Variants in PRRC1 observed in about 807,000 individuals in gnomAD.
PRRC1 encodes the protein protein PRRC1.
A neutral mutation model predicts 40.7 loss-of-function variants in PRRC1; 39 were observed. The ratio of observed to expected loss-of-function variants is 0.96; its 90% CI spans 0.74 to 1.25. The LOEUF (loss-of-function observed/expected upper bound fraction) is 1.25. Among genes scored for constraint, PRRC1 ranks in the 50% most tolerant of loss-of-function variants. The pLI, the probability that PRRC1 is intolerant of heterozygous loss-of-function variation, is 0.00. For synonymous variants in PRRC1, 175 were observed against 193.3 expected (o/e 0.91, Z 0.79); for missense variants, 573 against 548.3 (o/e 1.05, Z -0.45).
chr5:127,523,746 T>C lies in PRRC1; in HGVS notation c.103+164T>C, dbSNP rs1051641310. 17 of 440,288 alleles carry C rather than the reference T, an allele frequency of 3.9e-5. No homozygotes were observed. In the South Asian group the frequency reaches 1.2e-3, roughly 31 times the overall value. The allele number at this position is 440,288 out of a possible 1,614,324, so 27.3% of individuals were successfully genotyped here. On this transcript the variant is annotated intron_variant, in intron 2 of 8. Coordinates refer to ENST00000296666, the MANE Select transcript of PRRC1 (RefSeq NM_130809.5). The stretch of plus-strand genomic sequence containing the variant: ...TAATTTAAAGAATAGAAAGAAAGTC[T>C]TGTGTATTTAAAGTAAGAAAACATC...
chr5:127,553,585 A>G lies in PRRC1; in HGVS notation c.*1669A>G. The stretch of plus-strand genomic sequence containing the variant: ...AGTAGTATTTTATCATGGCAATGGC[A>G]TGATGACAACAACAGTCTTTCATTA... On this transcript the variant is annotated 3_prime_UTR_variant, in exon 9 of 9. Transcript: ENST00000296666. The G allele has an allele frequency of 7.7e-7, 1 of 1,306,024 alleles. No homozygotes were observed. Among genetic ancestry groups the G allele is most frequent in the Non-Finnish European group, 9.8e-7 (1 of 1,024,810 alleles). The allele number at this position is 1,306,024 out of a possible 1,614,324, so 80.9% of individuals were successfully genotyped here.
intron 5 of PRRC1, among the ~76,000 whole-genome samples, 190 bp from the exon 6 acceptor site, chr5:127,533,433 G>A (rs1032722253): frequency 3.3e-5 from 5 of 152,030 alleles, no homozygotes; most frequent in Non-Finnish European, 7.4e-5. Context: ...AAGTAGATAC[G>A]TTACCTTGGG....
At chr5:127,539,264 G>A (rs1767975874) in intron 7 of PRRC1, 121 bp downstream of exon 7, 1 of 668,326 alleles carries the variant, frequency 1.5e-6, no homozygotes, top group East Asian at 2.8e-5. Context: ...TTTGATGCTG[G>A]CTATATCACT....
At chr5:127,527,885 T>C (rs1247486804) in intron 4 of PRRC1, among the ~76,000 whole-genome samples, 1 of 152,128 alleles carries the variant, frequency 6.6e-6, no homozygotes, top group Non-Finnish European at 1.5e-5. Flanking sequence ...AAGAAATTGA[T>C]ACCTATTCCA....
At chr5:127,538,930 A>G (rs1242995887) in intron 6 of PRRC1, 110 bp from the exon 7 acceptor site, 1 of 691,908 alleles carries the variant, frequency 1.4e-6, no homozygotes, top group East Asian at 2.8e-5. Context: ...TACAGTGAGT[A>G]TATATATGTG....
In PRRC1 at chr5:127,553,455, G is replaced by A. The variant is rs1768443375; in HGVS notation, c.*1539G>A. 5 of 1,112,240 alleles carry A rather than the reference G, an allele frequency of 4.5e-6. No individual in the cohort carries two copies. Among genetic ancestry groups the A allele is most frequent in the East Asian group, 8.3e-5 (1 of 12,074 alleles). 68.9% of individuals were successfully genotyped at this position (1,112,240 alleles called of 1,614,324 possible). Reference sequence around the variant, plus strand: ...TTATAGGTTGCCTTGGTGTACTTTTGTCCAGGAGTAACAGGGACAGAATAC... The same window carrying A: ...TTATAGGTTGCCTTGGTGTACTTTTATCCAGGAGTAACAGGGACAGAATAC... On this transcript the variant is annotated 3_prime_UTR_variant, in exon 9 of 9. Transcript: ENST00000296666.
At position 127,551,804 on chromosome 5, in the gene PRRC1, G is replaced by A. The variant is rs754279580; in HGVS notation, c.1226G>A (p.Arg409Gln). Residue 409 changes from arginine to glutamine, a missense_variant, in exon 9 of 9, where the codon CGG becomes CAG. Physicochemically the swap from Arg to Gln is conservative, Grantham distance 43. Coordinates refer to ENST00000296666, the MANE Select transcript of PRRC1 (RefSeq NM_130809.5). ...GAAAAGAGTTTACTGAATGTCAGCC[G>A]GACTGATTGGCACATGGCATTTACT... ...VLEKSLLNVS[R>Q]TDWHMAFTGM... 2.3e-5 allele frequency: 37 copies of A among 1,613,928 alleles called. No individual in the cohort carries two copies. The highest frequency in any genetic ancestry group is 2.7e-5 in the Non-Finnish European group (32 of 1,180,006).
At chr5:127,546,958 T>A (rs1232085383) in intron 7 of PRRC1, among the ~76,000 whole-genome samples, 1 of 152,186 alleles carries the variant, frequency 6.6e-6, no homozygotes, top group Non-Finnish European at 1.5e-5. Context: ...CATTTTAGTA[T>A]TCAGCAAAGT....
chr5:127,537,291 TCTAAA>T (rs1269051345), intron 6 of PRRC1, among the ~76,000 whole-genome samples: 3 of 151,886 alleles, frequency 2.0e-5, no homozygotes, highest in Non-Finnish European at 4.4e-5. Context: ...TAATATGGTC[TCTAAA>T]CTACCTAATT....
intron 2 of PRRC1, 97 bp downstream of exon 2, chr5:127,523,679 A>C: frequency 2.3e-5 from 13 of 572,372 alleles, no homozygotes; most frequent in African/African-American, 1.9e-5. Flanking sequence ...CATATATTAA[A>C]ACTTCTCTAT....
At chr5:127,551,422 C>G (rs1768377487) in intron 8 of PRRC1, 1 of 340,322 alleles carries the variant, frequency 2.9e-6, no homozygotes, top group African/African-American at 2.1e-5. Flanking sequence ...TAGTACCAAT[C>G]TTATTATTAA....
intron 1 of PRRC1, chr5:127,517,988 G>C (rs1372742365): frequency 6.5e-6 from 1 of 152,808 alleles, no homozygotes; most frequent in African/African-American, 2.4e-5. Flanking sequence ...AGGCAGGAGT[G>C]CACATCGCAA....
chr5:127,544,987 G>T (rs2127113632), intron 7 of PRRC1, among the ~76,000 whole-genome samples: 1 of 152,350 alleles, frequency 6.6e-6, no homozygotes, highest in East Asian at 1.9e-4. Context: ...CACGCTGGGA[G>T]CTGTAGACAG....
At chr5:127,531,758 G>GACT (rs1228203581) in intron 5 of PRRC1, among the ~76,000 whole-genome samples, 1 of 151,324 alleles carries the variant, frequency 6.6e-6, no homozygotes. Context: ...GAGTAGCTGG[G>GACT]ACTACAGCCG....
intron 4 of PRRC1, 61 bp downstream of exon 4, chr5:127,526,839 A>G: frequency 3.8e-6 from 5 of 1,326,854 alleles, no homozygotes; most frequent in Non-Finnish European, 5.0e-6. Context: ...GATATTCATT[A>G]GAGAAAATAT....
At chr5:127,535,896 G>T (rs937449568) in intron 6 of PRRC1, among the ~76,000 whole-genome samples, 7 of 152,026 alleles carry the variant, frequency 4.6e-5, no homozygotes, top group African/African-American at 1.7e-4. Context: ...ACATAAGTTT[G>T]AGGTGTTCTT....
At position 127,552,310 on chromosome 5, in the gene PRRC1, T is replaced by A; in HGVS notation, c.*394T>A. ...TGGTTGAATGTTTATAAAAGCATGATTTGCTTTGGCTTCATCTCTTTTCTG... is the reference window on the plus strand; with the variant it reads ...TGGTTGAATGTTTATAAAAGCATGAATTGCTTTGGCTTCATCTCTTTTCTG... On this transcript the variant is annotated 3_prime_UTR_variant, in exon 9 of 9. Transcript: ENST00000296666. 2 of 1,030,438 alleles carry A rather than the reference T, an allele frequency of 1.9e-6. No individual in the cohort carries two copies. The highest frequency in any genetic ancestry group is 7.3e-5 in the South Asian group (2 of 27,454). 63.8% of individuals were successfully genotyped at this position (1,030,438 alleles called of 1,614,324 possible).
chr5:127,529,937 C>A (rs899861144), intron 4 of PRRC1, among the ~76,000 whole-genome samples: 1 of 151,424 alleles, frequency 6.6e-6, no homozygotes, highest in African/African-American at 2.4e-5. Flanking sequence ...TATTTGGGAC[C>A]CTAAGGGACA....
At chr5:127,525,280 TTAAATATTTTCACTTAAATATTTA>T (rs1365894818) in intron 3 of PRRC1, among the ~76,000 whole-genome samples, 10 of 152,246 alleles carry the variant, frequency 6.6e-5, no homozygotes, top group Non-Finnish European at 1.5e-4. Context: ...CAACTTTCAC[TTAAATATTTTCACTTAAATATTTA>T]ACTTAAATAT....
Sources: allele counts gnomAD v4.1 joint callset (sites outside exome capture counted in the v4.1 genomes callset), GRCh38; gene constraint gnomAD v4.1.1; transcripts MANE v1.5; gene names NCBI Gene and HGNC (gene_info 2026-07-23, HGNC 2026-07-21).